Variants in CPEB3 observed in about 807,000 individuals in gnomAD.
The protein encoded by CPEB3 is cytoplasmic polyadenylation element binding protein 3.
In CPEB3, 20 loss-of-function variants were observed where a neutral mutation model predicts 67.2. The ratio of observed to expected loss-of-function variants is 0.30; its 90% confidence interval spans 0.21 to 0.43. The LOEUF is 0.43. Among genes scored for constraint, CPEB3 ranks in the 20% least tolerant of loss-of-function variants. The pLI is 1.00. For missense variants in CPEB3, 746 were observed against 968.6 expected (o/e 0.77, Z 3.05); for synonymous variants, 376 against 393.1 (o/e 0.96, Z 0.51).
intron 1 of CPEB3, among the ~76,000 whole-genome samples, chr10:92,269,766 C>T (rs1046305104): frequency 3.3e-5 from 5 of 152,072 alleles, no homozygotes; most frequent in Non-Finnish European, 5.9e-5. Flanking sequence ...TCATGTTGGC[C>T]AGGCTAGTCT....
chr10:92,193,365 A>C (rs1377414448), intron 2 of CPEB3, among the ~76,000 whole-genome samples: 1 of 152,192 alleles, frequency 6.6e-6, no homozygotes, highest in African/African-American at 2.4e-5. Context: ...TAAAAGGACG[A>C]GTCAAGTTAA....
At chr10:92,256,536 G>A (rs531601632) in intron 1 of CPEB3, among the ~76,000 whole-genome samples, 4 of 151,796 alleles carry the variant, frequency 2.6e-5, no homozygotes, top group African/African-American at 4.8e-5. Flanking sequence ...CTACAGGCAC[G>A]TGCCACCACA....
intron 7 of CPEB3, among the ~76,000 whole-genome samples, chr10:92,100,108 C>T (rs1844102360): frequency 6.6e-6 from 1 of 152,180 alleles, no homozygotes; most frequent in Non-Finnish European, 1.5e-5. Flanking sequence ...GCACTCCAGC[C>T]TGGGCGACAG....
intron 9 of CPEB3, among the ~76,000 whole-genome samples, chr10:92,054,414 T>C (rs1354730555): frequency 6.6e-6 from 1 of 152,164 alleles, no homozygotes; most frequent in Non-Finnish European, 1.5e-5. Flanking sequence ...CTGATAGAAA[T>C]ATGAATTGCT....
chr10:92,150,283 G>T (rs1364283365), intron 4 of CPEB3, among the ~76,000 whole-genome samples: 2 of 151,082 alleles, frequency 1.3e-5, no homozygotes, highest in South Asian at 2.1e-4. Context: ...ATAGAGATGG[G>T]GTCTCACTAG....
intron 6 of CPEB3, chr10:92,119,057 TTGA>T (rs2133583342): frequency 1.9e-6 from 3 of 1,566,336 alleles, no homozygotes; most frequent in Non-Finnish European, 2.6e-6. Flanking sequence ...GGTCTGACAC[TTGA>T]TGTGAGACCT....
At chr10:92,115,019 T>TGGCA (rs1425615344) in intron 6 of CPEB3, among the ~76,000 whole-genome samples, 1 of 152,242 alleles carries the variant, frequency 6.6e-6, no homozygotes, top group Non-Finnish European at 1.5e-5. Flanking sequence ...CAGAGCCGCC[T>TGGCA]GGCAGCTCCT....
At chr10:92,192,426 G>T in intron 3 of CPEB3, 51 bp downstream of exon 3, 3 of 1,515,540 alleles carry the variant, frequency 2.0e-6, no homozygotes, top group South Asian at 2.5e-5. Flanking sequence ...TTAAAAAGCT[G>T]ATTTTTGCTT....
In CPEB3 at chr10:92,140,371, C is replaced by T. The variant is rs561837411; in HGVS notation, c.1453+2658G>A. On this transcript the variant is annotated intron_variant, in intron 6 of 9. Coordinates refer to ENST00000265997, the MANE Select transcript of CPEB3 (RefSeq NM_014912.5). ...ATCTTACAAACCTGACAAAAACAAGCAAGGGGGAAAGGATTCCCTATTTAA... is the reference window on the plus strand; with the variant it reads ...ATCTTACAAACCTGACAAAAACAAGTAAGGGGGAAAGGATTCCCTATTTAA... 3.9e-5 allele frequency among the ~76,000 whole-genome samples: 6 copies of T among 152,200 alleles called. No homozygotes were observed. The South Asian group carries it at 1.2e-3, about 32-fold the overall frequency.
At chr10:92,174,196 C>T (rs1848126378) in intron 4 of CPEB3, among the ~76,000 whole-genome samples, 1 of 152,252 alleles carries the variant, frequency 6.6e-6, no homozygotes, top group African/African-American at 2.4e-5. Context: ...TCTGCCACTT[C>T]CTCTCAGCTG....
In CPEB3 at chr10:92,203,526, A is replaced by AT. The variant is rs769880118; in HGVS notation, c.1006-10891dup. Among the ~76,000 whole-genome samples the AT allele has an allele frequency of 4.6e-3, 501 of 108,996 alleles. 2 individuals carry two copies. The highest frequency in any genetic ancestry group is 6.8e-3 in the Non-Finnish European group (396 of 58,510). The allele number at this position is 108,996 out of a possible 152,430, so 71.5% of individuals were successfully genotyped here. A position where few individuals can be genotyped will look rare whatever the true frequency, so the allele number is the denominator to read the frequency against. ...TGTGTGTGTATATATATATATATAT[A>AT]TATTTTTTTTTTAGAGGTGTAGCTG... is the stretch of plus-strand genomic sequence containing the variant. On this transcript the variant is annotated intron_variant, in intron 2 of 9. Coordinates refer to ENST00000265997, the MANE Select transcript of CPEB3 (RefSeq NM_014912.5).
At chr10:92,220,276 T>C (rs112440049) in intron 2 of CPEB3, among the ~76,000 whole-genome samples, 2 of 152,320 alleles carry the variant, frequency 1.3e-5, no homozygotes, top group Non-Finnish European at 2.9e-5. Context: ...ACCTGAAGTA[T>C]TAGCACAATT....
At chr10:92,111,777 GACATGC>G (rs1417901644) in intron 6 of CPEB3, among the ~76,000 whole-genome samples, 76 of 152,168 alleles carry the variant, frequency 5.0e-4, no homozygotes, top group Non-Finnish European at 1.8e-4. Context: ...GAAAACCACT[GACATGC>G]ACATGTCACA....
chr10:92,227,192 C>A (rs1022743507), intron 2 of CPEB3, among the ~76,000 whole-genome samples: 6 of 152,120 alleles, frequency 3.9e-5, no homozygotes, highest in Non-Finnish European at 5.9e-5. Context: ...GTAGGGAGAG[C>A]GGAGGAGAGT....
intron 9 of CPEB3, among the ~76,000 whole-genome samples, chr10:92,056,662 G>A (rs1159156570): frequency 6.6e-6 from 1 of 152,128 alleles, no homozygotes; most frequent in African/African-American, 2.4e-5. Context: ...TAGGCCATAA[G>A]GACTGCAACA....
intron 2 of CPEB3, among the ~76,000 whole-genome samples, chr10:92,221,691 A>C (rs1431714428): frequency 6.6e-6 from 1 of 152,076 alleles, no homozygotes; most frequent in Non-Finnish European, 1.5e-5. Flanking sequence ...GCCCTCATTA[A>C]TGGGGTTAGA....
chr10:92,146,443 TAA>T (rs202225371), intron 4 of CPEB3, among the ~76,000 whole-genome samples: 1 of 144,432 alleles, frequency 6.9e-6, no homozygotes. Flanking sequence ...AATATACTCT[TAA>T]AAAAAAAAAA....
intron 1 of CPEB3, among the ~76,000 whole-genome samples, chr10:92,261,958 T>C (rs555494466): frequency 1.3e-5 from 2 of 152,312 alleles, no homozygotes; most frequent in East Asian, 1.9e-4. Flanking sequence ...CTCCCAATGG[T>C]TCAATTTAAT....
chr10:92,159,240 G>A (rs1847350858), intron 4 of CPEB3, among the ~76,000 whole-genome samples: 1 of 152,062 alleles, frequency 6.6e-6, no homozygotes, highest in Non-Finnish European at 1.5e-5. Flanking sequence ...TCCAGCCTGG[G>A]CGACAGAGCA....
Sources: allele counts gnomAD v4.1 joint callset (sites outside exome capture counted in the v4.1 genomes callset), GRCh38; gene constraint gnomAD v4.1.1; transcripts MANE v1.5; gene names NCBI Gene and HGNC (gene_info 2026-07-23, HGNC 2026-07-21).